The following LRFN2 variants were observed in gnomAD, a reference collection of about 807,000 sequenced individuals.
LRFN2 encodes the protein leucine-rich repeat and fibronectin type-III domain-containing protein 2.
Under a neutral mutation model 37.3 loss-of-function variants are expected in LRFN2, and 18 were observed. That is an observed-to-expected ratio of 0.48 (90% CI 0.33 to 0.72). The LOEUF (loss-of-function observed/expected upper bound fraction) is 0.72, where lower values mean the gene tolerates loss of function less well. LRFN2 is among the 30% of genes least tolerant of loss of function. The pLI is 0.02. For missense variants in LRFN2, 1,006 were observed against 1,060.7 expected, an observed-to-expected ratio of 0.95 and a Z score of 0.72; for synonymous variants, 556 against 466.6, an observed-to-expected ratio of 1.19 and a Z score of -2.47.
rs2113788250 is a variant in LRFN2 at position 40,392,138 on chromosome 6, G to A, written c.2175C>T (p.Asp725=). The part of the protein sequence containing the change: ...EGKAKRSHSF[D]MGDFAAAAAG... ...CCGCCGCAGCAGCAAAGTCCCCCATGTCGAAGGAGTGGCTGCGTTTGGCCT... is the reference window on the plus strand; with the variant it reads ...CCGCCGCAGCAGCAAAGTCCCCCATATCGAAGGAGTGGCTGCGTTTGGCCT... Residue 725 remains aspartate (D), a synonymous_variant, in exon 3 of 3, where the codon GAC becomes GAT. Coordinates refer to ENST00000338305, the MANE Select transcript of LRFN2 (RefSeq NM_020737.3). The surrounding 1 kb of genome is among the most constrained non-coding windows in gnomAD (Gnocchi z 4.7). 2 of 1,611,574 alleles carry A rather than the reference G, an allele frequency of 1.2e-6. No homozygotes were observed. The highest frequency in any genetic ancestry group is 2.2e-5 in the East Asian group (1 of 44,832).
intron 1 of LRFN2, among the ~76,000 whole-genome samples, chr6:40,532,923 G>A (rs962939978): frequency 3.9e-5 from 6 of 152,294 alleles, no homozygotes; most frequent in Admixed American, 1.3e-4. Context: ...CATCACATCC[G>A]TAGCTTAGTT....
intron 1 of LRFN2, among the ~76,000 whole-genome samples, chr6:40,550,375 G>C (rs879332432): frequency 8.5e-5 from 13 of 152,266 alleles, no homozygotes; most frequent in Admixed American, 8.5e-4. Context: ...TCTTTAGAGA[G>C]AGTCACATTG....
chr6:40,500,439 C>T (rs1295690367), intron 1 of LRFN2, among the ~76,000 whole-genome samples: 4 of 152,226 alleles, frequency 2.6e-5, no homozygotes, highest in African/African-American at 9.6e-5. Context: ...TGCATCACTG[C>T]AAGTCTTTGA....
In LRFN2 at chr6:40,531,906, A is replaced by G. The variant is rs997097388; in HGVS notation, c.-19+55035T>C. On this transcript the variant is annotated intron_variant, in intron 1 of 2. Transcript: ENST00000338305. ...CCACTTTCTGTCCAAGAACCCCACT[A>G]GCCCCTGGCACCTAAAGCAGTCTCC... Among the ~76,000 whole-genome samples, 3 of 152,136 alleles carry G rather than the reference A, an allele frequency of 2.0e-5. No homozygotes were observed. The South Asian group carries it at 6.2e-4, about 32-fold the overall frequency.
At chr6:40,502,084 C>A (rs1765397306) in intron 1 of LRFN2, among the ~76,000 whole-genome samples, 1 of 152,170 alleles carries the variant, frequency 6.6e-6, no homozygotes, top group African/African-American at 2.4e-5. Flanking sequence ...AACTACCTTT[C>A]CACTTCTGTA....
chr6:40,561,782 A>G (rs968931149), intron 1 of LRFN2, among the ~76,000 whole-genome samples: 2 of 152,160 alleles, frequency 1.3e-5, no homozygotes, highest in African/African-American at 2.4e-5. Flanking sequence ...GAAGGAAGGG[A>G]GAATTCTCAT....
At chr6:40,429,734 C>A (rs1368616496) in intron 2 of LRFN2, among the ~76,000 whole-genome samples, 1 of 152,000 alleles carries the variant, frequency 6.6e-6, no homozygotes, top group Non-Finnish European at 1.5e-5. Context: ...TATTTATGGG[C>A]AAAAATATCC....
At chr6:40,572,540 C>T (rs1230756172) in intron 1 of LRFN2, among the ~76,000 whole-genome samples, 1 of 152,220 alleles carries the variant, frequency 6.6e-6, no homozygotes, top group Non-Finnish European at 1.5e-5. Flanking sequence ...GACCCCGCAG[C>T]AGAGGAAGGG....
chr6:40,514,177 G>A (rs1188373126), intron 1 of LRFN2, among the ~76,000 whole-genome samples: 1 of 152,134 alleles, frequency 6.6e-6, no homozygotes, highest in East Asian at 1.9e-4. Flanking sequence ...TCTACAGGGT[G>A]TTCTGTCAAT....
chr6:40,441,144 T>A (rs1007794810), intron 1 of LRFN2, among the ~76,000 whole-genome samples: 1 of 152,136 alleles, frequency 6.6e-6, no homozygotes, highest in Non-Finnish European at 1.5e-5. Context: ...TAGTAATAGT[T>A]TAATGGAAAA....
Position 40,532,834 on chromosome 6 carries a change from C to A in LRFN2, c.-19+54107G>T, listed in dbSNP as rs76346700. ...AACCCTGTCAATTTTGTACCTTGAG[C>A]CCCCAGCAGGTGGGTACTGAACACA... On this transcript the variant is annotated intron_variant, in intron 1 of 2. Transcript: ENST00000338305. 4.1e-3 allele frequency among the ~76,000 whole-genome samples: 629 copies of A among 152,294 alleles called. 1 individual carries two copies. Among genetic ancestry groups the A allele is most frequent in the South Asian group, 8.5e-3 (41 of 4,824 alleles).
At chr6:40,530,818 C>G (rs900718916) in intron 1 of LRFN2, among the ~76,000 whole-genome samples, 1 of 152,132 alleles carries the variant, frequency 6.6e-6, no homozygotes, top group Non-Finnish European at 1.5e-5. Flanking sequence ...GACTGTCTAA[C>G]AGGCACCTTG....
intron 1 of LRFN2, among the ~76,000 whole-genome samples, chr6:40,555,266 G>T (rs1766850234): frequency 1.3e-5 from 2 of 152,212 alleles, no homozygotes; most frequent in African/African-American, 4.8e-5. Flanking sequence ...GGTCATCCCT[G>T]GTGAGAGGTG....
chr6:40,431,821 C>A lies in LRFN2; in HGVS notation c.1293G>T (p.Val431=). Residue 431 remains valine, a synonymous_variant, in exon 2 of 3, where the codon GTG becomes GTT. Coordinates refer to ENST00000338305, the MANE Select transcript of LRFN2 (RefSeq NM_020737.3). The part of the protein sequence containing the change: ...PPERAVLVSE[V]TTTSALVKWS... The stretch of plus-strand genomic sequence containing the variant: ...ACTTGACCAGGGCCGAGGTGGTGGT[C>A]ACTTCAGACACAAGCACAGCCCGTT... 6.4e-7 allele frequency: 1 copy of A among 1,553,396 alleles called. No homozygotes were observed. The highest frequency in any genetic ancestry group is 1.2e-5 in the South Asian group (1 of 80,370).
intron 1 of LRFN2, among the ~76,000 whole-genome samples, chr6:40,536,545 T>C (rs990968626): frequency 2.0e-5 from 3 of 152,154 alleles, no homozygotes; most frequent in Admixed American, 6.5e-5. Context: ...CTGAAGGGCC[T>C]GGGACTACAG....
intron 1 of LRFN2, among the ~76,000 whole-genome samples, chr6:40,500,031 T>G (rs1765335565): frequency 2.0e-5 from 3 of 152,250 alleles, no homozygotes; most frequent in African/African-American, 7.2e-5. Context: ...ATCCTCTCCG[T>G]GGCAGGCCTC....
chr6:40,525,911 T>C (rs74488391), intron 1 of LRFN2, among the ~76,000 whole-genome samples: 1 of 152,106 alleles, frequency 6.6e-6, no homozygotes, highest in Non-Finnish European at 1.5e-5. Flanking sequence ...TGTGCTGAAA[T>C]GAACCCCCCT....
rs894556172 is a variant in LRFN2 at position 40,512,396 on chromosome 6, G to A, written c.-19+74545C>T. 2.0e-5 allele frequency among the ~76,000 whole-genome samples: 3 copies of A among 152,128 alleles called. No individual in the cohort carries two copies. In the South Asian group the frequency reaches 6.2e-4, roughly 32 times the overall value. On this transcript the variant is annotated intron_variant, in intron 1 of 2. Coordinates refer to ENST00000338305, the MANE Select transcript of LRFN2 (RefSeq NM_020737.3). ...AACATGTCAAAGTTTAATTAGCAGC[G>A]ATATTTCTTTCTTAGGGACACAGAA...
intron 1 of LRFN2, among the ~76,000 whole-genome samples, chr6:40,569,916 A>T (rs1767157920): frequency 6.7e-6 from 1 of 150,334 alleles, no homozygotes; most frequent in African/African-American, 2.5e-5. Flanking sequence ...CTGCCATTCA[A>T]CTCCCTTGCC....
Sources: gnomAD v4.1 joint callset for allele counts (sites outside exome capture counted in the v4.1 genomes callset) on GRCh38, gnomAD v4.1.1 for gene constraint, Gnocchi (gnomAD v3.1) non-coding constraint, MANE v1.5 for transcripts, NCBI Gene and HGNC (gene_info 2026-07-23, HGNC 2026-07-21) for gene names.